The following PRKCE variants were observed in gnomAD, a reference collection of about 807,000 sequenced individuals.
PRKCE encodes the protein protein kinase C epsilon.
PRKCE carries 16 observed loss-of-function variants against 85.4 expected under a neutral mutation model. The ratio of observed to expected loss-of-function variants is 0.19; its 90% confidence interval spans 0.13 to 0.28. The LOEUF is 0.28. Among genes scored for constraint, PRKCE ranks in the 10% least tolerant of loss-of-function variants. PRKCE has a pLI of 1.00. For missense variants in PRKCE, 573 were observed against 975.2 expected (o/e 0.59, Z 5.49); for synonymous variants, 388 against 371.5 (o/e 1.04, Z -0.51).
At chr2:45,700,267 G>C (rs1678520313) in intron 1 of PRKCE, among the ~76,000 whole-genome samples, 1 of 152,048 alleles carries the variant, frequency 6.6e-6, no homozygotes, top group Non-Finnish European at 1.5e-5. Context: ...TGATGGCAAA[G>C]AGAGACATCT....
intron 2 of PRKCE, among the ~76,000 whole-genome samples, chr2:45,949,042 CACAA>C (rs1558873517): frequency 1.3e-5 from 2 of 152,086 alleles, no homozygotes; most frequent in African/African-American, 2.4e-5. Context: ...TTTTTATGAC[CACAA>C]ACAGTGTTCT....
intron 11 of PRKCE, among the ~76,000 whole-genome samples, chr2:46,111,255 C>G (rs1471986959): frequency 6.6e-6 from 1 of 152,124 alleles, no homozygotes; most frequent in Non-Finnish European, 1.5e-5. Context: ...GATTTTCTGC[C>G]TGCTTGATCC....
intron 10 of PRKCE, among the ~76,000 whole-genome samples, chr2:46,020,603 G>T (rs1051563011): frequency 1.3e-5 from 2 of 152,122 alleles, no homozygotes; most frequent in Non-Finnish European, 2.9e-5. Context: ...TTTAGATCAC[G>T]CACAGAAGTG....
intron 2 of PRKCE, among the ~76,000 whole-genome samples, chr2:45,927,432 A>T (rs1039142359): frequency 6.6e-6 from 1 of 152,146 alleles, no homozygotes; most frequent in African/African-American, 2.4e-5. Flanking sequence ...CCATTTTTGC[A>T]GCTGATAACT....
chr2:45,892,725 A>G (rs1011119343), intron 2 of PRKCE, among the ~76,000 whole-genome samples: 2 of 152,222 alleles, frequency 1.3e-5, no homozygotes, highest in Non-Finnish European at 2.9e-5. Context: ...TATAAATAAA[A>G]GTGAAAGTGG....
chr2:46,020,522 T>A (rs545284582), intron 10 of PRKCE, among the ~76,000 whole-genome samples: 1 of 152,232 alleles, frequency 6.6e-6, no homozygotes, highest in Non-Finnish European at 1.5e-5. Context: ...ATTCCTGAGA[T>A]TTGGGCAGAA....
At chr2:46,100,733 C>G (rs139723363) in intron 11 of PRKCE, among the ~76,000 whole-genome samples, 1 of 152,354 alleles carries the variant, frequency 6.6e-6, no homozygotes, top group Non-Finnish European at 1.5e-5. Context: ...TTTATTCACT[C>G]AACAGACAAC....
intron 1 of PRKCE, among the ~76,000 whole-genome samples, chr2:45,746,339 T>G (rs1458057248): frequency 1.3e-5 from 2 of 152,206 alleles, no homozygotes; most frequent in African/African-American, 4.8e-5. Context: ...AAAACCAAAC[T>G]CGGTTTTCCT....
At chr2:46,044,660 A>G (rs918825422) in intron 10 of PRKCE, among the ~76,000 whole-genome samples, 31 of 152,354 alleles carry the variant, frequency 2.0e-4, no homozygotes, top group African/African-American at 7.2e-4. Context: ...GGAATGCTCA[A>G]TAGCTCCTAA....
intron 1 of PRKCE, chr2:45,676,909 G>C (rs1253042264): frequency 6.6e-6 from 1 of 152,184 alleles, no homozygotes. Context: ...TAATCTCAGA[G>C]GGCTCATGCT....
At chr2:45,917,780 T>G (rs1356287496) in intron 2 of PRKCE, among the ~76,000 whole-genome samples, 1 of 152,128 alleles carries the variant, frequency 6.6e-6, no homozygotes, top group Non-Finnish European at 1.5e-5. Context: ...GGTGGGAGGC[T>G]CAGGCATGGT....
intron 14 of PRKCE, among the ~76,000 whole-genome samples, chr2:46,173,558 A>G (rs1271328880): frequency 6.6e-6 from 1 of 152,262 alleles, no homozygotes; most frequent in African/African-American, 2.4e-5. Context: ...TCAGTTTCGC[A>G]GGAGCAAGAG....
intron 2 of PRKCE, among the ~76,000 whole-genome samples, chr2:45,927,832 C>A (rs913701227): frequency 1.3e-5 from 2 of 151,838 alleles, no homozygotes; most frequent in Admixed American, 6.6e-5. Flanking sequence ...TCTAGAAGAA[C>A]TTTTCCACAG....
Position 45,684,917 on chromosome 2 carries a change from G to A in PRKCE, c.348+32469G>A, listed in dbSNP as rs191326440. ...GTGCACCAGAAAGAGGAAACAGAAG[G>A]TAGACTCCCAGGTGAGGAAGAGCTA... On this transcript the variant is annotated intron_variant, in intron 1 of 14. Coordinates refer to ENST00000306156, the MANE Select transcript of PRKCE (RefSeq NM_005400.3). Among the ~76,000 whole-genome samples the A allele has an allele frequency of 5.1e-3, 775 of 152,306 alleles. 3 individuals are homozygous for A. Among genetic ancestry groups the A allele is most frequent in the Non-Finnish European group, 8.1e-3 (552 of 68,034 alleles).
chr2:45,744,725 C>T (rs894432862), intron 1 of PRKCE, among the ~76,000 whole-genome samples: 1 of 151,974 alleles, frequency 6.6e-6, no homozygotes, highest in Non-Finnish European at 1.5e-5. Flanking sequence ...TCTCCTTCCT[C>T]AGCCTCCTAG....
At chr2:45,903,515 G>A (rs1278755046) in intron 2 of PRKCE, among the ~76,000 whole-genome samples, 9 of 152,180 alleles carry the variant, frequency 5.9e-5, no homozygotes, top group Admixed American at 1.3e-4. Context: ...ACAGGACACC[G>A]TTAAATTTGA....
rs1355395303 is a variant in PRKCE at position 45,958,835 on chromosome 2, T to A, written c.413-17594T>A. 3.0e-3 allele frequency among the ~76,000 whole-genome samples: 305 copies of A among 102,350 alleles called. 9 individuals are homozygous for A. The highest frequency in any genetic ancestry group is 8.6e-3 in the African/African-American group (240 of 27,958). The allele number at this position is 102,350 out of a possible 152,430, so 67.1% of individuals were successfully genotyped here. The stretch of plus-strand genomic sequence containing the variant: ...ATATATATTTTTTTTTTTTTTTTTT[T>A]TTTTTTTTTTTTTTTTTTTTAATAG... On this transcript the variant is annotated intron_variant, in intron 2 of 14. Coordinates refer to ENST00000306156, the MANE Select transcript of PRKCE (RefSeq NM_005400.3).
In PRKCE at chr2:46,162,022, G is replaced by A. The variant is rs1056234834; in HGVS notation, c.2067+2270G>A. ...AAAGGAAGAGAGGGAAGGACAAACC[G>A]GGAGGGAGGCAGGCACGTGACTTAC... On this transcript the variant is annotated intron_variant, in intron 14 of 14. Coordinates refer to ENST00000306156, the MANE Select transcript of PRKCE (RefSeq NM_005400.3). 6.6e-5 allele frequency among the ~76,000 whole-genome samples: 10 copies of A among 152,182 alleles called. No individual in the cohort carries two copies. In the East Asian group the frequency reaches 1.2e-3, roughly 18 times the overall value.
At chr2:45,860,254 T>C (rs188487461) in intron 2 of PRKCE, among the ~76,000 whole-genome samples, 9 of 152,362 alleles carry the variant, frequency 5.9e-5, no homozygotes, top group Admixed American at 5.2e-4. Context: ...AGCCATGTTA[T>C]CATTGCCACG....
Sources: allele counts gnomAD v4.1 joint callset (sites outside exome capture counted in the v4.1 genomes callset), GRCh38; gene constraint gnomAD v4.1.1; transcripts MANE v1.5; gene names NCBI Gene and HGNC (gene_info 2026-07-23, HGNC 2026-07-21).